The following RHOT1 variants were observed in gnomAD, a reference collection of about 807,000 sequenced individuals.
The protein encoded by RHOT1 is mitochondrial Rho GTPase 1.
RHOT1 carries 27 observed loss-of-function variants against 95.3 expected under a neutral mutation model. That is an observed-to-expected ratio of 0.28 (90% CI 0.21 to 0.39). The LOEUF (loss-of-function observed/expected upper bound fraction) is 0.39, where lower values mean the gene tolerates loss of function less well. RHOT1 is among the 10% of genes least tolerant of loss of function. The probability of loss-of-function intolerance (pLI) is 1.00; values close to 1 mark genes in which losing one functional copy is unlikely to be tolerated. For synonymous variants in RHOT1, 227 were observed against 263.5 expected, an observed-to-expected ratio of 0.86 and a Z score of 1.34; for missense variants, 578 against 786.7, an observed-to-expected ratio of 0.73 and a Z score of 3.17.
At chr17:32,209,342 A>G in intron 18 of RHOT1, 1 of 1,527,906 alleles carries the variant, frequency 6.5e-7, no homozygotes, top group Non-Finnish European at 9.0e-7. Flanking sequence ...CATGTATGTT[A>G]TCTACAGAGA....
At chr17:32,193,962 T>A (rs1386290646) in intron 10 of RHOT1, 25 bp from the exon 11 acceptor site, 1 of 1,610,826 alleles carries the variant, frequency 6.2e-7, no homozygotes, top group Non-Finnish European at 8.5e-7. Context: ...CTGTACACTT[T>A]ATTTACTAAT....
intron 1 of RHOT1, among the ~76,000 whole-genome samples, chr17:32,143,493 C>A (rs971475523): frequency 1.3e-5 from 2 of 152,260 alleles, no homozygotes; most frequent in East Asian, 3.9e-4. Flanking sequence ...GTAATCTTTG[C>A]CCTCTTTTTA....
At chr17:32,210,200 T>C (rs2038031882) in intron 18 of RHOT1, among the ~76,000 whole-genome samples, 1 of 152,152 alleles carries the variant, frequency 6.6e-6, no homozygotes, top group Non-Finnish European at 1.5e-5. Context: ...CAGGTGGCGC[T>C]CTTCTGAGTG....
chr17:32,176,169 T>C lies in RHOT1; in HGVS notation c.285T>C (p.Ser95=). Reference sequence around the variant, plus strand: ...GTTAATTTTCATTTTAGGTAACAAGTCGATGGATTCCTCTCATAAATGAAA... The same window carrying C: ...GTTAATTTTCATTTTAGGTAACAAGCCGATGGATTCCTCTCATAAATGAAA... The part of the protein sequence containing the change: ...NNKHSIDKVT[S]RWIPLINERT... The change falls in exon 6 of 20, where the codon AGT becomes AGC. Residue 95 remains serine (S), a synonymous_variant. Coordinates refer to ENST00000545287, the MANE Select transcript of RHOT1 (RefSeq NM_001033566.3). 6.2e-7 allele frequency: 1 copy of C among 1,611,842 alleles called. No homozygotes were observed. The highest frequency in any genetic ancestry group is 8.5e-7 in the Non-Finnish European group (1 of 1,179,340).
chr17:32,169,218 T>C (rs934085025), intron 1 of RHOT1, among the ~76,000 whole-genome samples: 11 of 152,208 alleles, frequency 7.2e-5, no homozygotes, highest in Admixed American at 2.0e-4. Flanking sequence ...ATGTGACTTT[T>C]CTTAACTCAA....
chr17:32,188,949 A>G (rs1402081852), intron 8 of RHOT1, among the ~76,000 whole-genome samples: 2 of 152,168 alleles, frequency 1.3e-5, no homozygotes, highest in Admixed American at 6.5e-5. Flanking sequence ...TTTACTCCGA[A>G]TCCAGTATTT....
intron 1 of RHOT1, among the ~76,000 whole-genome samples, chr17:32,146,798 A>G (rs559219910): frequency 2.6e-5 from 4 of 151,280 alleles, no homozygotes; most frequent in African/African-American, 9.7e-5. Flanking sequence ...TCTGTCGCCC[A>G]GGCTGGAGTA....
intron 11 of RHOT1, among the ~76,000 whole-genome samples, chr17:32,195,139 C>T (rs1337039596): frequency 6.7e-6 from 1 of 150,364 alleles, no homozygotes; most frequent in Admixed American, 6.6e-5. Context: ...TTTTTTTTCC[C>T]TAAGAGACAA....
chr17:32,160,119 C>A (rs1438986955), intron 1 of RHOT1: 1 of 152,292 alleles, frequency 6.6e-6, no homozygotes, highest in Non-Finnish European at 1.5e-5. Context: ...ACAGGATGAT[C>A]TGCCTGCAGA....
chr17:32,147,928 T>C (rs1017045162), intron 1 of RHOT1, among the ~76,000 whole-genome samples: 2 of 152,062 alleles, frequency 1.3e-5, no homozygotes, highest in African/African-American at 4.8e-5. Context: ...GTGAACTGCA[T>C]CTTTTCTGGG....
intron 18 of RHOT1, chr17:32,209,440 T>G: frequency 6.3e-7 from 1 of 1,586,988 alleles, no homozygotes; most frequent in Non-Finnish European, 8.6e-7. Context: ...TTCTAAAAAC[T>G]GCTTTGTAAG....
chr17:32,175,500 G>T, intron 4 of RHOT1, 138 bp downstream of exon 4: 1 of 858,552 alleles, frequency 1.2e-6, no homozygotes, highest in South Asian at 1.5e-5. Context: ...CACCCACTCT[G>T]TCACCCAGTG....
chr17:32,183,713 C>T (rs1567690459), intron 8 of RHOT1, among the ~76,000 whole-genome samples: 1 of 152,202 alleles, frequency 6.6e-6, no homozygotes, highest in Non-Finnish European at 1.5e-5. Flanking sequence ...GAATCTTGCT[C>T]TGTCACTCAG....
At chr17:32,200,219 T>C (rs1300623885) in intron 13 of RHOT1, among the ~76,000 whole-genome samples, 4 of 152,214 alleles carry the variant, frequency 2.6e-5, no homozygotes. Context: ...TGGGTTTTTT[T>C]CTACTATCAC....
intron 1 of RHOT1, chr17:32,151,478 G>A (rs1385958251): frequency 1.6e-6 from 1 of 608,672 alleles, no homozygotes; most frequent in East Asian, 3.8e-5. Flanking sequence ...GTCTAGCTAG[G>A]GATTCTCTGG....
intron 13 of RHOT1, 147 bp downstream of exon 13, chr17:32,199,697 T>G: frequency 1.5e-5 from 8 of 550,548 alleles, no homozygotes; most frequent in East Asian, 3.3e-5. Context: ...CTGATATCTC[T>G]AAGATGAACT....
chr17:32,200,758 A>G (rs2037253875), intron 13 of RHOT1, among the ~76,000 whole-genome samples, 198 bp from the exon 14 acceptor site: 1 of 151,600 alleles, frequency 6.6e-6, no homozygotes, highest in African/African-American at 2.4e-5. Context: ...TGGATGACAA[A>G]GTAAGGCCCT....
At chr17:32,202,957 A>T in intron 15 of RHOT1, 57 bp downstream of exon 15, 2 of 1,558,994 alleles carry the variant, frequency 1.3e-6, no homozygotes, top group Non-Finnish European at 1.7e-6. Flanking sequence ...TTACTAGTTT[A>T]CATAATGTTT....
At chr17:32,182,243 T>G (rs906234992) in intron 6 of RHOT1, among the ~76,000 whole-genome samples, 8 of 152,128 alleles carry the variant, frequency 5.3e-5, no homozygotes, top group African/African-American at 1.9e-4. Flanking sequence ...AGCTCATACC[T>G]ATCATCCCAA....
Sources: gnomAD v4.1 joint callset for allele counts (sites outside exome capture counted in the v4.1 genomes callset) on GRCh38, gnomAD v4.1.1 for gene constraint, MANE v1.5 for transcripts, NCBI Gene and HGNC (gene_info 2026-07-23, HGNC 2026-07-21) for gene names.